ZDHHC14: variants seen among roughly 807,000 people sequenced by gnomAD.
ZDHHC14 encodes palmitoyltransferase ZDHHC14.
ZDHHC14 carries 16 observed loss-of-function variants against 47.7 expected under a neutral mutation model. That is an observed-to-expected ratio of 0.34 (90% CI 0.23 to 0.51). The LOEUF is 0.51. ZDHHC14 is among the 20% of genes least tolerant of loss of function. The pLI, the probability that ZDHHC14 is intolerant of heterozygous loss-of-function variation, is 0.97. For missense variants in ZDHHC14, 515 were observed against 662.5 expected (o/e 0.78, Z 2.44); for synonymous variants, 293 against 278.9 (o/e 1.05, Z -0.50).
At chr6:157,529,655 G>A (rs963849969) in intron 1 of ZDHHC14, among the ~76,000 whole-genome samples, 3 of 152,206 alleles carry the variant, frequency 2.0e-5, no homozygotes, top group Non-Finnish European at 2.9e-5. Context: ...GCACCTTCAC[G>A]CAGAATAGTT....
At chr6:157,564,871 C>T (rs1007257286) in intron 2 of ZDHHC14, among the ~76,000 whole-genome samples, 3 of 152,124 alleles carry the variant, frequency 2.0e-5, no homozygotes, top group African/African-American at 4.8e-5. Context: ...AAGGTCAATA[C>T]GGGGCAGGAG....
In ZDHHC14 at chr6:157,614,187, G is replaced by A. The variant is rs147160520; in HGVS notation, c.566-14162G>A. On this transcript the variant is annotated intron_variant, in intron 3 of 8. Coordinates refer to ENST00000359775, the MANE Select transcript of ZDHHC14 (RefSeq NM_024630.3). Reference sequence around the variant, plus strand: ...AGGCCAGGACCCAAGTTCAAGTCCTGTGCCATAGAGTCCTACATCCCATCA... The same window carrying A: ...AGGCCAGGACCCAAGTTCAAGTCCTATGCCATAGAGTCCTACATCCCATCA... Among the ~76,000 whole-genome samples the A allele has an allele frequency of 6.5e-3, 987 of 152,268 alleles. 8 individuals are homozygous for A. The highest frequency in any genetic ancestry group is 0.023 in the African/African-American group (935 of 41,544).
At chr6:157,647,845 G>A (rs1207602094) in intron 7 of ZDHHC14, among the ~76,000 whole-genome samples, 2 of 152,346 alleles carry the variant, frequency 1.3e-5, no homozygotes, top group East Asian at 3.9e-4. Flanking sequence ...TAATAATGAC[G>A]ATGACACGAA....
chr6:157,480,643 C>T (rs1302883989), intron 1 of ZDHHC14, among the ~76,000 whole-genome samples: 1 of 152,162 alleles, frequency 6.6e-6, no homozygotes, highest in Non-Finnish European at 1.5e-5. Context: ...TAGACGGCTC[C>T]CACTTTGCTA....
intron 1 of ZDHHC14, among the ~76,000 whole-genome samples, chr6:157,491,378 A>G (rs1399377266): frequency 6.6e-6 from 1 of 152,202 alleles, no homozygotes; most frequent in Non-Finnish European, 1.5e-5. Flanking sequence ...CAGGAACTAC[A>G]TTGATTCTGT....
chr6:157,419,931 C>T (rs564537689), intron 1 of ZDHHC14, among the ~76,000 whole-genome samples: 2 of 152,214 alleles, frequency 1.3e-5, no homozygotes, highest in Admixed American at 6.5e-5. Context: ...CCTGCTGCTC[C>T]ACATCCTTGT....
At chr6:157,484,565 A>G (rs994591542) in intron 1 of ZDHHC14, among the ~76,000 whole-genome samples, 3 of 150,878 alleles carry the variant, frequency 2.0e-5, no homozygotes, top group African/African-American at 7.3e-5. Flanking sequence ...AAAATTCTTC[A>G]TTTTTATTAG....
At chr6:157,465,603 T>TA (rs772324472) in intron 1 of ZDHHC14, among the ~76,000 whole-genome samples, 6,553 of 143,208 alleles carry the variant, frequency 0.046, 218 homozygotes, top group African/African-American at 0.098. Flanking sequence ...CAAGAGATGC[T>TA]AAAAAAAAAA....
At chr6:157,398,761 T>C (rs564936416) in intron 1 of ZDHHC14, among the ~76,000 whole-genome samples, 2 of 152,342 alleles carry the variant, frequency 1.3e-5, no homozygotes, top group Admixed American at 6.5e-5. Flanking sequence ...TTCTTACTTA[T>C]TTTCCATTTT....
intron 1 of ZDHHC14, among the ~76,000 whole-genome samples, chr6:157,512,822 A>G (rs943560556): frequency 7.9e-5 from 12 of 152,180 alleles, no homozygotes; most frequent in African/African-American, 2.7e-4. Flanking sequence ...TACATAATAT[A>G]CTCTGAAAAT....
chr6:157,405,352 C>T (rs575791658), intron 1 of ZDHHC14, among the ~76,000 whole-genome samples: 24 of 152,262 alleles, frequency 1.6e-4, no homozygotes, highest in African/African-American at 5.5e-4. Flanking sequence ...CCTGCCTCAG[C>T]CTCCCAAGTA....
At chr6:157,662,896 G>A (rs1237485521) in intron 8 of ZDHHC14, among the ~76,000 whole-genome samples, 1 of 152,224 alleles carries the variant, frequency 6.6e-6, no homozygotes, top group Non-Finnish European at 1.5e-5. Flanking sequence ...ATTGATAAAT[G>A]TGTAATGTCT....
intron 1 of ZDHHC14, among the ~76,000 whole-genome samples, chr6:157,435,035 T>C (rs1778411674): frequency 6.6e-6 from 1 of 152,222 alleles, no homozygotes; most frequent in Admixed American, 6.5e-5. Context: ...ATTCAGACCA[T>C]CGCTGAACAC....
At chr6:157,444,105 A>G (rs186840772) in intron 1 of ZDHHC14, among the ~76,000 whole-genome samples, 1 of 152,362 alleles carries the variant, frequency 6.6e-6, no homozygotes, top group Non-Finnish European at 1.5e-5. Flanking sequence ...ACTTGCCCAA[A>G]GTCAAACAGT....
chr6:157,637,775 C>T (rs1160085130), intron 5 of ZDHHC14, among the ~76,000 whole-genome samples: 30 of 152,044 alleles, frequency 2.0e-4, no homozygotes, highest in Admixed American at 1.2e-3. Context: ...AATATTTTGA[C>T]GAGAAATAAG....
At chr6:157,524,714 C>T (rs758715333) in intron 1 of ZDHHC14, among the ~76,000 whole-genome samples, 10 of 152,200 alleles carry the variant, frequency 6.6e-5, no homozygotes, top group Non-Finnish European at 1.2e-4. Flanking sequence ...TTTCTTACAT[C>T]TAGAAGAATA....
At chr6:157,645,635 T>C in intron 5 of ZDHHC14, 102 bp from the exon 6 acceptor site, 2 of 853,622 alleles carry the variant, frequency 2.3e-6, no homozygotes, top group Non-Finnish European at 3.7e-6. Context: ...GGCCAGCAAC[T>C]AGAGAGAGGC....
At chr6:157,433,817 T>A (rs557523329) in intron 1 of ZDHHC14, among the ~76,000 whole-genome samples, 1 of 152,338 alleles carries the variant, frequency 6.6e-6, no homozygotes, top group East Asian at 1.9e-4. Flanking sequence ...TGACATGGCA[T>A]GTGCTGTGAA....
intron 1 of ZDHHC14, among the ~76,000 whole-genome samples, chr6:157,400,703 C>T (rs1163648515): frequency 6.6e-6 from 1 of 152,224 alleles, no homozygotes; most frequent in Non-Finnish European, 1.5e-5. Context: ...CCTGCTGTGC[C>T]TTCTGCTCAA....
Sources: allele counts gnomAD v4.1 joint callset (sites outside exome capture counted in the v4.1 genomes callset), GRCh38; gene constraint gnomAD v4.1.1; transcripts MANE v1.5; gene names NCBI Gene and HGNC (gene_info 2026-07-23, HGNC 2026-07-21).